The following TGFBI variants were observed in gnomAD, a reference collection of about 807,000 sequenced individuals.
The protein encoded by TGFBI is transforming growth factor-beta-induced protein ig-h3.
A neutral mutation model predicts 73.7 loss-of-function variants in TGFBI; 50 were observed. The ratio of observed to expected loss-of-function variants is 0.68; its 90% CI spans 0.54 to 0.86. TGFBI has a LOEUF of 0.86. TGFBI is among the 40% of genes least tolerant of loss of function. TGFBI has a pLI of 0.00. For missense variants in TGFBI, 839 were observed against 877.0 expected (o/e 0.96, Z 0.55); for synonymous variants, 362 against 360.5 (o/e 1.00, Z -0.05).
chr5:136,037,700 A>C (rs1188287332), intron 2 of TGFBI, among the ~76,000 whole-genome samples: 1 of 152,258 alleles, frequency 6.6e-6, no homozygotes, highest in African/African-American at 2.4e-5. Flanking sequence ...ATGAGCTGGC[A>C]GAGCACTCCT....
rs1054509493 is a variant in TGFBI, at chr5:136,061,386, A to G, written c.1907-114A>G. On this transcript the variant is annotated intron_variant, in intron 14 of 16. Transcript: ENST00000442011. ...AGTTATGAAACATTATGGAGAAAAC[A>G]TGTCTTTGGAAATGTGAGCCAGAAA... 12 of 767,412 alleles carry G rather than the reference A, an allele frequency of 1.6e-5. No homozygotes were observed. In the African/African-American group the frequency reaches 1.7e-4, roughly 11 times the overall value. The allele number at this position is 767,412 out of a possible 1,614,324, so 47.5% of individuals were successfully genotyped here. A position where few individuals can be genotyped will look rare whatever the true frequency, so the allele number is the denominator to read the frequency against.
chr5:136,049,402 T>A, intron 6 of TGFBI, 37 bp from the exon 7 acceptor site: 1 of 1,606,442 alleles, frequency 6.2e-7, no homozygotes, highest in Non-Finnish European at 8.5e-7. Flanking sequence ...AGTGCCAGAG[T>A]CTTCAGGGAG....
Position 136,059,103 on chromosome 5 carries a change from A to G in TGFBI, c.1692A>G (p.Glu564=), listed in dbSNP as rs766520605. ...ERSRLLGDAK[E]LANILKYHIG... Reference sequence around the variant, plus strand: ...CGCAACCTGCAGGAGATGCCAAGGAACTTGCCAACATCCTGAAATACCACA... The same window carrying G: ...CGCAACCTGCAGGAGATGCCAAGGAGCTTGCCAACATCCTGAAATACCACA... The change falls in exon 13 of 17, where the codon GAA becomes GAG. Residue 564 remains glutamate, a synonymous_variant. Coordinates refer to ENST00000442011, the MANE Select transcript of TGFBI (RefSeq NM_000358.3). 3 of 1,611,512 alleles carry G rather than the reference A, an allele frequency of 1.9e-6. No homozygotes were observed. Among genetic ancestry groups the G allele is most frequent in the East Asian group, 4.5e-5 (2 of 44,864 alleles).
In TGFBI at chr5:136,029,123, C is replaced by A. The variant is rs774946059; in HGVS notation, c.68C>A (p.Ala23Glu). The A allele has an allele frequency of 3.9e-6, 6 of 1,525,016 alleles. No homozygotes were observed. The East Asian group carries it at 7.6e-5, about 19-fold the overall frequency. The allele number at this position is 1,525,016 out of a possible 1,614,324, so 94.5% of individuals were successfully genotyped here. A position where few individuals can be genotyped will look rare whatever the true frequency, so the allele number is the denominator to read the frequency against. The stretch of plus-strand genomic sequence containing the variant: ...GCCCTGGGCCCCGCCGCGACCCTGG[C>A]GGGTCCCGCCAAGTCGCCCTACCAG... ...ALALGPAATL[A>E]GPAKSPYQLV... Residue 23 changes from alanine to glutamate, a missense_variant, in exon 1 of 17, where the codon GCG (alanine) becomes GAG (glutamate). Ala to Glu is a moderately radical substitution (Grantham distance 107). Transcript: ENST00000442011.
In TGFBI at chr5:136,046,370, G is replaced by A. The variant is rs766343295; in HGVS notation, c.334G>A (p.Val112Ile). Residue 112 changes from valine to isoleucine, a missense_variant, in exon 4 of 17, where the codon GTC becomes ATC. Val to Ile is a conservative substitution (Grantham distance 29). Transcript: ENST00000442011. ...CTCAAACCTTTACGAGACCCTGGGA[G>A]TCGTTGGATCCACCACCACTCAGCT... ...PLSNLYETLG[V>I]VGSTTTQLYT... 1.2e-6 allele frequency: 2 copies of A among 1,613,856 alleles called. No homozygotes were observed. The highest frequency in any genetic ancestry group is 1.7e-6 in the Non-Finnish European group (2 of 1,179,894).
intron 15 of TGFBI, among the ~76,000 whole-genome samples, chr5:136,061,959 C>T (rs1751756592): frequency 6.6e-6 from 1 of 152,222 alleles, no homozygotes; most frequent in South Asian, 2.1e-4. Context: ...CACTCTTCTG[C>T]TGTCCATGGC....
chr5:136,050,884 G>A (rs537067045), intron 7 of TGFBI, among the ~76,000 whole-genome samples: 1 of 152,212 alleles, frequency 6.6e-6, no homozygotes, highest in South Asian at 2.1e-4. Flanking sequence ...CCGGCACTGG[G>A]GACAGAGGCC....
rs933668725 is a variant in TGFBI, at chr5:136,063,067, G to A, written c.2012-119G>A. ...TCACAAACCACAAAGCACCTGCTAT[G>A]TGCAGGAGAGCATGGCAGAAGGAGG... On this transcript the variant is annotated intron_variant, in intron 16 of 16. Coordinates refer to ENST00000442011, the MANE Select transcript of TGFBI (RefSeq NM_000358.3). The A allele has an allele frequency of 1.8e-5, 16 of 876,510 alleles. No individual in the cohort carries two copies. In the African/African-American group the frequency reaches 2.3e-4, roughly 13 times the overall value. 54.3% of individuals were successfully genotyped at this position (876,510 alleles called of 1,614,324 possible).
At chr5:136,033,304 G>C (rs887129466) in intron 1 of TGFBI, among the ~76,000 whole-genome samples, 8 of 152,154 alleles carry the variant, frequency 5.3e-5, no homozygotes, top group African/African-American at 1.4e-4. Flanking sequence ...TTAAATGGGA[G>C]AGCATCCCCT....
chr5:136,045,916 C>T (rs530992255), intron 3 of TGFBI: 46 of 155,014 alleles, frequency 3.0e-4, no homozygotes, highest in South Asian at 4.1e-4. Context: ...TGCAAATACA[C>T]ACAGTACTTT....
At chr5:136,044,177 A>G in intron 3 of TGFBI, 55 bp downstream of exon 3, 3 of 1,458,756 alleles carry the variant, frequency 2.1e-6, no homozygotes, top group Non-Finnish European at 2.9e-6. Context: ...GAATGGTGGG[A>G]GAGAGGAGTA....
At chr5:136,052,833 G>C in intron 7 of TGFBI, 74 bp from the exon 8 acceptor site, 1 of 1,420,204 alleles carries the variant, frequency 7.0e-7, no homozygotes, top group Non-Finnish European at 9.7e-7. Context: ...CTCACAGCAT[G>C]GGCAGGCTGC....
At chr5:136,037,029 CCT>C (rs1345610919) in intron 2 of TGFBI, among the ~76,000 whole-genome samples, 1 of 152,094 alleles carries the variant, frequency 6.6e-6, no homozygotes, top group Non-Finnish European at 1.5e-5. Flanking sequence ...GAGACAGGAG[CCT>C]GGAGCCACCT....
chr5:136,032,727 C>G (rs1751143255), intron 1 of TGFBI, among the ~76,000 whole-genome samples: 2 of 152,124 alleles, frequency 1.3e-5, no homozygotes. Context: ...GGAAGATCAA[C>G]CCTCTCCTGA....
At chr5:136,054,167 G>A in intron 9 of TGFBI, 87 bp downstream of exon 9, 3 of 1,527,198 alleles carry the variant, frequency 2.0e-6, no homozygotes, top group Non-Finnish European at 2.7e-6. Flanking sequence ...CCGATTTACA[G>A]CACCCCATGG....
intron 2 of TGFBI, among the ~76,000 whole-genome samples, chr5:136,036,892 G>A (rs1751235500): frequency 1.3e-5 from 2 of 152,160 alleles, no homozygotes; most frequent in African/African-American, 4.8e-5. Context: ...GGAGGAGGCA[G>A]CTCAGGTTGT....
At chr5:136,055,372 T>G (rs1037913080) in intron 10 of TGFBI, 5 of 272,820 alleles carry the variant, frequency 1.8e-5, no homozygotes, top group Middle Eastern at 1.1e-3. Context: ...AACAAAGAAA[T>G]AAATAAATGG....
chr5:136,055,825 T>A lies in TGFBI; in HGVS notation c.1547+9T>A, dbSNP rs191636508. On this transcript the variant is annotated intron_variant, in intron 11 of 16. Transcript: ENST00000442011. The stretch of plus-strand genomic sequence containing the variant: ...GGAGACAATCGCTTTAGGTAATTAG[T>A]TCCATCCCCGGGTGGAGCTTCTGCC... 6.3e-7 allele frequency: 1 copy of A among 1,596,566 alleles called. No homozygotes were observed. The highest frequency in any genetic ancestry group is 2.3e-5 in the East Asian group (1 of 44,338).
intron 12 of TGFBI, 98 bp from the exon 13 acceptor site, chr5:136,058,992 C>T: frequency 6.8e-7 from 1 of 1,464,948 alleles, no homozygotes; most frequent in East Asian, 2.5e-5. Flanking sequence ...TTCTTCATTT[C>T]AGGGGTGACC....
Sources: allele counts gnomAD v4.1 joint callset (sites outside exome capture counted in the v4.1 genomes callset), GRCh38; gene constraint gnomAD v4.1.1; transcripts MANE v1.5; gene names NCBI Gene and HGNC (gene_info 2026-07-23, HGNC 2026-07-21).